SERPINB10: variants seen among roughly 807,000 people sequenced by gnomAD.
The protein encoded by SERPINB10 is serpin B10.
A neutral mutation model predicts 39.1 loss-of-function variants in SERPINB10; 35 were observed. The ratio of observed to expected loss-of-function variants is 0.90; its 90% CI spans 0.68 to 1.19. The LOEUF (loss-of-function observed/expected upper bound fraction) is 1.19. Ranked by LOEUF, SERPINB10 falls within the 50% of genes most tolerant of loss-of-function variation. SERPINB10 has a pLI of 0.00. For synonymous variants in SERPINB10, 190 were observed against 158.1 expected, an observed-to-expected ratio of 1.20 and a Z score of -1.52; for missense variants, 546 against 460.5, an observed-to-expected ratio of 1.19 and a Z score of -1.70.
At chr18:63,912,016 GTATTT>G (rs372295518) in intron 1 of SERPINB10, among the ~76,000 whole-genome samples, 2 of 151,746 alleles carry the variant, frequency 1.3e-5, no homozygotes, top group South Asian at 4.1e-4. Flanking sequence ...GTATTCCTGG[GTATTT>G]TATTTTATTT....
At chr18:63,929,883 C>T (rs913225094) in intron 5 of SERPINB10, among the ~76,000 whole-genome samples, 162 bp from the exon 6 acceptor site, 2 of 152,086 alleles carry the variant, frequency 1.3e-5, no homozygotes, top group African/African-American at 4.8e-5. Context: ...TTCACAGCAG[C>T]TATTCTGGAC....
chr18:63,933,351 T>C, intron 7 of SERPINB10, 148 bp downstream of exon 7: 2 of 804,914 alleles, frequency 2.5e-6, no homozygotes, highest in South Asian at 1.5e-5. Flanking sequence ...CAATGTACCT[T>C]GAGTTCTAGG....
At chr18:63,918,158 A>G in intron 4 of SERPINB10, 56 bp downstream of exon 4, 1 of 1,569,864 alleles carries the variant, frequency 6.4e-7, no homozygotes, top group Non-Finnish European at 8.7e-7. Flanking sequence ...ATGTGAGACC[A>G]ATCAGTAAAC....
In SERPINB10 at chr18:63,933,043, T is replaced by C. The variant is rs976430581; in HGVS notation, c.634-5T>C. On this transcript the variant is annotated splice_polypyrimidine_tract_variant and splice_region_variant and intron_variant, in intron 6 of 7. Coordinates refer to ENST00000238508, the MANE Select transcript of SERPINB10 (RefSeq NM_005024.3). ...CCTGTTTTTTTGTTTTTTTGTTTTT[T>C]TTAGACTACAAGCAAACCAGTGCAA... 9 of 1,606,578 alleles carry C rather than the reference T, an allele frequency of 5.6e-6. No individual in the cohort carries two copies. Among genetic ancestry groups the C allele is most frequent in the Non-Finnish European group, 3.4e-6 (4 of 1,178,340 alleles).
intron 1 of SERPINB10, among the ~76,000 whole-genome samples, chr18:63,913,069 G>A (rs1354315890): frequency 6.6e-6 from 1 of 151,726 alleles, no homozygotes. Flanking sequence ...GTGCATAGAG[G>A]TAGTCATAGT....
In SERPINB10 at chr18:63,935,894, A is replaced by G. The variant is rs1427867223; in HGVS notation, c.*652A>G. 6.6e-6 allele frequency: 1 copy of G among 152,194 alleles called. No individual in the cohort carries two copies. Among genetic ancestry groups the G allele is most frequent in the African/African-American group, 2.4e-5 (1 of 41,444 alleles). 9.4% of individuals were successfully genotyped at this position (152,194 alleles called of 1,614,324 possible). On this transcript the variant is annotated 3_prime_UTR_variant, in exon 8 of 8. Transcript: ENST00000238508. ...CTATTTAAAAAATACTTATATTGAC[A>G]TTAGCTTAAAAAACTAGTGAAATCC...
chr18:63,935,456 A>G lies in SERPINB10; in HGVS notation c.*214A>G, dbSNP rs1034359491. ...CGATTTTTATTTTTAACACGTTAAC[A>G]TTTTGTCTAATGTGACTTTCATTTA... On this transcript the variant is annotated 3_prime_UTR_variant, in exon 8 of 8. Coordinates refer to ENST00000238508, the MANE Select transcript of SERPINB10 (RefSeq NM_005024.3). 4.2e-6 allele frequency: 2 copies of G among 480,802 alleles called. No homozygotes were observed. Among genetic ancestry groups the G allele is most frequent in the African/African-American group, 3.9e-5 (2 of 50,682 alleles). 29.8% of individuals were successfully genotyped at this position (480,802 alleles called of 1,614,324 possible). A position where few individuals can be genotyped will look rare whatever the true frequency, so the allele number is the denominator to read the frequency against.
intron 5 of SERPINB10, among the ~76,000 whole-genome samples, chr18:63,922,156 T>C (rs1353328841): frequency 1.3e-5 from 2 of 151,964 alleles, no homozygotes; most frequent in South Asian, 2.1e-4. Context: ...ATAGCAGTTG[T>C]TCAGAACATT....
At position 63,915,529 on chromosome 18, in the gene SERPINB10, T is replaced by C; in HGVS notation, c.19T>C (p.Ser7Pro). MDSLATSINQFALELSK... is the reference protein window; with the variant it reads MDSLATPINQFALELSK... ...TTCCTCAATGGACTCTCTAGCAACA[T>C]CAATCAACCAGTTTGCCCTGGAGTT... The change falls in exon 2 of 8, where the codon TCA becomes CCA. Residue 7 changes from serine (S) to proline (P), a missense_variant. Coordinates refer to ENST00000238508, the MANE Select transcript of SERPINB10 (RefSeq NM_005024.3). The C allele has an allele frequency of 6.2e-7, 1 of 1,611,858 alleles. No individual in the cohort carries two copies. The highest frequency in any genetic ancestry group is 8.5e-7 in the Non-Finnish European group (1 of 1,178,640).
At chr18:63,932,940 C>T (rs2050233288) in intron 6 of SERPINB10, 108 bp from the exon 7 acceptor site, 2 of 971,710 alleles carry the variant, frequency 2.1e-6, no homozygotes, top group Admixed American at 2.3e-5. Flanking sequence ...AGCAGAGAAT[C>T]AGCAGTTTCA....
intron 6 of SERPINB10, among the ~76,000 whole-genome samples, chr18:63,930,431 T>C (rs1445663767): frequency 6.6e-6 from 1 of 152,110 alleles, no homozygotes; most frequent in African/African-American, 2.4e-5. Context: ...AGGGTAGTTT[T>C]CATATTTATT....
At chr18:63,920,822 T>G (rs1478850681) in intron 5 of SERPINB10, among the ~76,000 whole-genome samples, 1 of 151,962 alleles carries the variant, frequency 6.6e-6, no homozygotes, top group Non-Finnish European at 1.5e-5. Flanking sequence ...AAGAAAGACC[T>G]GCAAAATGGA....
In SERPINB10 at chr18:63,934,947, A is replaced by G; in HGVS notation, c.899A>G (p.Tyr300Cys). 1 of 1,614,238 alleles carries G rather than the reference A, an allele frequency of 6.2e-7. No individual in the cohort carries two copies. Among genetic ancestry groups the G allele is most frequent in the Non-Finnish European group, 8.5e-7 (1 of 1,180,032 alleles). The change falls in exon 8 of 8, where the codon TAT (tyrosine) becomes TGT (cysteine). Residue 300 changes from tyrosine to cysteine, a missense_variant. Tyr to Cys is a radical substitution (Grantham distance 194, BLOSUM62 -2). Coordinates refer to ENST00000238508, the MANE Select transcript of SERPINB10 (RefSeq NM_005024.3). Reference sequence around the variant, plus strand: ...CCCAAGTTCAAGCTGGAAGACAGTTATGATCTCAAGTCAACCCTGAGCAGT... The same window carrying G: ...CCCAAGTTCAAGCTGGAAGACAGTTGTGATCTCAAGTCAACCCTGAGCAGT... ...HLPKFKLEDS[Y>C]DLKSTLSSMG... is the part of the protein sequence containing the mutation.
Position 63,919,917 on chromosome 18 carries a change from C to A in SERPINB10, c.490+12C>A. 1 of 1,552,100 alleles carries A rather than the reference C, an allele frequency of 6.4e-7. No homozygotes were observed. The highest frequency in any genetic ancestry group is 8.8e-7 in the Non-Finnish European group (1 of 1,134,830). On this transcript the variant is annotated intron_variant, in intron 5 of 7. Transcript: ENST00000238508. Reference sequence around the variant, plus strand: ...AAGACAGACCGAGGGTAAGCTTTCACCAAGGGGTTTGGCAGCGTGCTTTTC... The same window carrying A: ...AAGACAGACCGAGGGTAAGCTTTCAACAAGGGGTTTGGCAGCGTGCTTTTC...
chr18:63,913,572 T>C (rs1324519064), intron 1 of SERPINB10, among the ~76,000 whole-genome samples: 1 of 152,086 alleles, frequency 6.6e-6, no homozygotes, highest in East Asian at 1.9e-4. Context: ...CAAGTAATTC[T>C]GTGGTTTTGA....
At chr18:63,922,710 T>G (rs2050154854) in intron 5 of SERPINB10, among the ~76,000 whole-genome samples, 1 of 151,894 alleles carries the variant, frequency 6.6e-6, no homozygotes, top group Non-Finnish European at 1.5e-5. Context: ...CATAACAAAA[T>G]CCAGGTGTCT....
intron 2 of SERPINB10, 63 bp downstream of exon 2, chr18:63,915,741 A>G: frequency 1.4e-6 from 2 of 1,403,240 alleles, no homozygotes; most frequent in Non-Finnish European, 1.9e-6. Flanking sequence ...TTGCCTTTTA[A>G]CTTCAGTTTT....
intron 5 of SERPINB10, among the ~76,000 whole-genome samples, 186 bp downstream of exon 5, chr18:63,920,091 A>C (rs984332956): frequency 6.6e-6 from 1 of 152,058 alleles, no homozygotes. Flanking sequence ...AATAAGTCTT[A>C]TCTAAAACAA....
At chr18:63,916,347 TA>T (rs67094942) in intron 2 of SERPINB10, among the ~76,000 whole-genome samples, 66,424 of 136,512 alleles carry the variant, frequency 0.49, 15,112 homozygotes, top group Admixed American at 0.59. Context: ...TGATTTTAAA[TA>T]AAAAAAAAAA....
Sources: allele counts gnomAD v4.1 joint callset (sites outside exome capture counted in the v4.1 genomes callset), GRCh38; gene constraint gnomAD v4.1.1; transcripts MANE v1.5; gene names NCBI Gene and HGNC (gene_info 2026-07-23, HGNC 2026-07-21).